The following CAST variants were observed in gnomAD, a reference collection of about 807,000 sequenced individuals.
CAST encodes calpastatin, also known as MIR583 host.
Under a neutral mutation model 119.6 loss-of-function variants are expected in CAST, and 76 were observed. The ratio of observed to expected loss-of-function variants is 0.64; its 90% CI spans 0.53 to 0.77. The LOEUF is 0.77. Among genes scored for constraint, CAST ranks in the 30% least tolerant of loss-of-function variants. The pLI, the probability that CAST is intolerant of heterozygous loss-of-function variation, is 0.00. For missense variants in CAST, 953 were observed against 946.5 expected (o/e 1.01, Z -0.09); for synonymous variants, 319 against 331.6 (o/e 0.96, Z 0.41).
At chr5:96,485,801 T>C in the CAST span, among the ~76,000 whole-genome samples, 1 of 152,290 alleles carries the variant, frequency 6.6e-6, no homozygotes, top group African/African-American at 2.4e-5. Context: ...AAGTTTTTCT[T>C]TCTGTATTGA....
chr5:95,967,398 T>G, the CAST span, among the ~76,000 whole-genome samples: 1 of 139,454 alleles, frequency 7.2e-6, no homozygotes. Flanking sequence ...GCCCAGACAA[T>G]GTAGTGAGAC....
chr5:96,717,522 G>A (rs532708433), intron 3 of CAST, among the ~76,000 whole-genome samples: 2 of 152,238 alleles, frequency 1.3e-5, no homozygotes, highest in African/African-American at 4.8e-5. Context: ...TCCTTAAAAC[G>A]GCTATCAAAA....
At chr5:96,412,620 A>T in the CAST span, 1 of 808,002 alleles carries the variant, frequency 1.2e-6, no homozygotes, top group African/African-American at 1.7e-5. Flanking sequence ...TACTAGATAG[A>T]TGTCCCCAAT....
chr5:96,104,337 A>G, the CAST span, among the ~76,000 whole-genome samples: 1 of 152,144 alleles, frequency 6.6e-6, no homozygotes, highest in Non-Finnish European at 1.5e-5. Context: ...GGTAATGCCT[A>G]GGTTTTCTTC....
chr5:96,534,545 T>C (rs1423397439), intron 1 of CAST, among the ~76,000 whole-genome samples: 1 of 151,458 alleles, frequency 6.6e-6, no homozygotes, highest in Non-Finnish European at 1.5e-5. Flanking sequence ...GGTGCGTGCC[T>C]GTAATCCCAG....
At chr5:96,257,146 C>T in the CAST span, among the ~76,000 whole-genome samples, 1 of 152,136 alleles carries the variant, frequency 6.6e-6, no homozygotes, top group Non-Finnish European at 1.5e-5. Context: ...TCTCCCTGTG[C>T]TTAGGTGCAG....
chr5:96,638,674 T>C (rs544507357), intron 1 of CAST, among the ~76,000 whole-genome samples: 1 of 152,304 alleles, frequency 6.6e-6, no homozygotes, highest in South Asian at 2.1e-4. Context: ...AAGAACACCA[T>C]AAGCAGCTCA....
the CAST span, chr5:95,961,552 A>AGCCT: frequency 2.3e-3 from 3,651 of 1,558,430 alleles, 83 homozygotes; most frequent in African/African-American, 0.045. Flanking sequence ...CTCTGAGCCC[A>AGCCT]GCCTGCCGGC....
intron 24 of CAST, among the ~76,000 whole-genome samples, chr5:96,759,145 A>C (rs1396689452): frequency 1.3e-5 from 2 of 152,220 alleles, no homozygotes; most frequent in Non-Finnish European, 2.9e-5. Flanking sequence ...TAGTGCCAAC[A>C]ATATAGTTAA....
the CAST span, among the ~76,000 whole-genome samples, chr5:95,993,100 G>A: frequency 2.6e-5 from 4 of 152,058 alleles, no homozygotes; most frequent in African/African-American, 9.7e-5. Flanking sequence ...ACAATAGAGA[G>A]CTCAGAAATA....
the CAST span, among the ~76,000 whole-genome samples, chr5:96,456,841 A>G: frequency 1.2e-4 from 19 of 152,148 alleles, no homozygotes; most frequent in African/African-American, 4.3e-4. Flanking sequence ...TAGTTCCCCC[A>G]TCCTGTTCTC....
intron 30 of CAST, among the ~76,000 whole-genome samples, chr5:96,770,888 G>A (rs1469962932): frequency 6.6e-6 from 1 of 152,084 alleles, no homozygotes; most frequent in African/African-American, 2.4e-5. Flanking sequence ...ATAGTATGTG[G>A]TTTATATAGA....
the CAST span, among the ~76,000 whole-genome samples, chr5:96,123,327 A>G: frequency 6.6e-6 from 1 of 152,116 alleles, no homozygotes; most frequent in Admixed American, 6.6e-5. Flanking sequence ...TTTCATCATT[A>G]TTTACTTGGA....
chr5:96,401,673 G>A, the CAST span, among the ~76,000 whole-genome samples: 1 of 152,130 alleles, frequency 6.6e-6, no homozygotes, highest in Non-Finnish European at 1.5e-5. Context: ...TCTGCTATAT[G>A]TGCATATTCT....
intron 9 of CAST, among the ~76,000 whole-genome samples, chr5:96,734,958 G>A (rs1003242109): frequency 6.6e-6 from 1 of 152,100 alleles, no homozygotes; most frequent in African/African-American, 2.4e-5. Context: ...GAAAGATAGT[G>A]GGGAGAGAGG....
chr5:96,314,105 A>G, the CAST span, among the ~76,000 whole-genome samples: 5 of 152,142 alleles, frequency 3.3e-5, no homozygotes, highest in East Asian at 7.7e-4. Context: ...AGGATTTCTA[A>G]TGGAATTGTT....
At chr5:96,526,253 T>C (rs2150176219), upstream of CAST, among the ~76,000 whole-genome samples, 1 of 152,284 alleles carries the variant, frequency 6.6e-6, no homozygotes, top group Admixed American at 6.5e-5. Context: ...GCCAGATGAC[T>C]GAGACTTATA....
At chr5:96,076,732 T>G in the CAST span, among the ~76,000 whole-genome samples, 1 of 152,140 alleles carries the variant, frequency 6.6e-6, no homozygotes, top group South Asian at 2.1e-4. Context: ...GTAATAACCA[T>G]CAAGCTCAAT....
the CAST span, chr5:96,392,411 T>C: frequency 6.5e-6 from 1 of 153,668 alleles, no homozygotes; most frequent in Non-Finnish European, 1.4e-5. Context: ...TCAAGATCTG[T>C]TTCTAGATCT....
Sources: allele counts gnomAD v4.1 joint callset (sites outside exome capture counted in the v4.1 genomes callset), GRCh38; gene constraint gnomAD v4.1.1; transcripts MANE v1.5; gene names NCBI Gene and HGNC (gene_info 2026-07-23, HGNC 2026-07-21).